The following TEK variants were observed in gnomAD, a reference collection of about 807,000 sequenced individuals.
The protein encoded by TEK is TEK receptor tyrosine kinase, also known as angiopoietin-1 receptor.
TEK carries 43 observed loss-of-function variants against 131.8 expected under a neutral mutation model. The observed-to-expected ratio is 0.33, with a 90% confidence interval of 0.26 to 0.42. The LOEUF (loss-of-function observed/expected upper bound fraction) is 0.42. Among genes scored for constraint, TEK ranks in the 10% least tolerant of loss-of-function variants. TEK has a pLI of 1.00. For missense variants in TEK, 1,162 were observed against 1,384.4 expected (o/e 0.84, Z 2.55); for synonymous variants, 580 against 491.6 (o/e 1.18, Z -2.38).
At chr9:27,218,127 CA>C (rs1825888390) in intron 19 of TEK, among the ~76,000 whole-genome samples, 1 of 33,002 alleles carries the variant, frequency 3.0e-5, no homozygotes, top group African/African-American at 2.1e-4. Flanking sequence ...TAAGGCCAGA[CA>C]GTGGCGGGGG....
At chr9:27,191,794 G>A (rs1824832611) in intron 10 of TEK, 1 of 373,196 alleles carries the variant, frequency 2.7e-6, no homozygotes, top group South Asian at 2.1e-5. Context: ...GTCATATGGT[G>A]GTAATAATCC....
chr9:27,109,454 T>A lies in TEK; in HGVS notation c.-137T>A. 1.1e-6 allele frequency: 1 copy of A among 870,338 alleles called. No homozygotes were observed. The highest frequency in any genetic ancestry group is 2.0e-6 in the Non-Finnish European group (1 of 507,298). 53.9% of individuals were successfully genotyped at this position (870,338 alleles called of 1,614,324 possible). ...ACTGTTACAGCCTGCTTCTGTGCTG[T>A]TCCTTCTTGCCTCTAACTTGTAAAC... On this transcript the variant is annotated 5_prime_UTR_variant, in exon 1 of 23. Transcript: ENST00000380036.
intron 18 of TEK, among the ~76,000 whole-genome samples, chr9:27,215,639 T>C (rs1825798210): frequency 6.6e-6 from 1 of 151,782 alleles, no homozygotes; most frequent in Non-Finnish European, 1.5e-5. Context: ...CTAAGCAATT[T>C]GGGGTTTCAC....
chr9:27,153,310 C>T (rs527330916), intron 1 of TEK, among the ~76,000 whole-genome samples: 13 of 152,036 alleles, frequency 8.6e-5, no homozygotes, highest in Non-Finnish European at 1.2e-4. Flanking sequence ...ATTAGCTGGG[C>T]GTGGTCGCGG....
chr9:27,219,724 TCAGA>T (rs1225948981), intron 20 of TEK, among the ~76,000 whole-genome samples: 1 of 151,120 alleles, frequency 6.6e-6, no homozygotes, highest in African/African-American at 2.4e-5. Context: ...GGACTTCCAA[TCAGA>T]AAAAAAGGTT....
At chr9:27,158,675 TG>T (rs1402720782) in intron 2 of TEK, among the ~76,000 whole-genome samples, 4 of 139,660 alleles carry the variant, frequency 2.9e-5, no homozygotes, top group South Asian at 2.5e-4. Flanking sequence ...TTTTTTTTTT[TG>T]GGGGGGTGGA....
chr9:27,221,499 G>C (rs1457510622), intron 21 of TEK, among the ~76,000 whole-genome samples: 1 of 151,974 alleles, frequency 6.6e-6, no homozygotes, highest in Non-Finnish European at 1.5e-5. Flanking sequence ...CTCCCAGTAG[G>C]GGTCGACAGG....
rs142408366 is a variant in TEK, at chr9:27,136,384, T to G, written c.53-21447T>G. ...CGTGAGCCACTGCGCCGGTCCCTAC[T>G]TACATTCTTGTAGTTACCTCTGACA... On this transcript the variant is annotated intron_variant, in intron 1 of 22. Coordinates refer to ENST00000380036, the MANE Select transcript of TEK (RefSeq NM_000459.5). Among the ~76,000 whole-genome samples, 12 of 152,280 alleles carry G rather than the reference T, an allele frequency of 7.9e-5. No homozygotes were observed. In the East Asian group the frequency reaches 2.3e-3, roughly 29 times the overall value.
At chr9:27,211,171 G>GAA (rs1825604595) in intron 16 of TEK, among the ~76,000 whole-genome samples, 1 of 86,736 alleles carries the variant, frequency 1.2e-5, no homozygotes, top group Non-Finnish European at 2.8e-5. Context: ...ATATGTATGT[G>GAA]TATATATATA....
chr9:27,175,256 T>C (rs1446063149), intron 6 of TEK, among the ~76,000 whole-genome samples: 36 of 150,330 alleles, frequency 2.4e-4, no homozygotes, highest in African/African-American at 8.1e-4. Flanking sequence ...TTTGTCCTTG[T>C]GATAGTTTAC....
chr9:27,220,886 T>G (rs1457573271), intron 21 of TEK, among the ~76,000 whole-genome samples: 1 of 151,850 alleles, frequency 6.6e-6, no homozygotes, highest in Non-Finnish European at 1.5e-5. Context: ...GCTGCAGGAG[T>G]TTCTTTTCAT....
chr9:27,175,181 C>T lies in TEK; in HGVS notation c.901+1819C>T, dbSNP rs760045337. Among the ~76,000 whole-genome samples the T allele has an allele frequency of 1.4e-3, 185 of 135,702 alleles. 1 individual carries two copies. Among genetic ancestry groups the T allele is most frequent in the Non-Finnish European group, 2.3e-3 (147 of 64,818 alleles). The allele number at this position is 135,702 out of a possible 152,430, so 89.0% of individuals were successfully genotyped here. A position where few individuals can be genotyped will look rare whatever the true frequency, so the allele number is the denominator to read the frequency against. ...GTCCCCAGAGTGTGATGTTCCCCTT[C>T]CTGTGTTCATGTGTTCTCACTGTTC... On this transcript the variant is annotated intron_variant, in intron 6 of 22. Coordinates refer to ENST00000380036, the MANE Select transcript of TEK (RefSeq NM_000459.5).
intron 16 of TEK, among the ~76,000 whole-genome samples, chr9:27,212,479 G>A (rs886339765): frequency 1.3e-5 from 2 of 152,138 alleles, no homozygotes; most frequent in African/African-American, 4.8e-5. Context: ...GGTAGGAATG[G>A]AGAGGGGGTG....
chr9:27,154,274 G>C (rs777511625), intron 1 of TEK, among the ~76,000 whole-genome samples: 1 of 152,114 alleles, frequency 6.6e-6, no homozygotes, highest in Non-Finnish European at 1.5e-5. Context: ...CCATCAACCT[G>C]TCATCTACAT....
intron 4 of TEK, among the ~76,000 whole-genome samples, chr9:27,171,851 C>T (rs1018341388): frequency 9.2e-5 from 14 of 152,152 alleles, no homozygotes; most frequent in African/African-American, 3.4e-4. Flanking sequence ...TATTCCACTA[C>T]TCAGGAGAGT....
At chr9:27,227,372 G>C (rs1439098429) in intron 21 of TEK, among the ~76,000 whole-genome samples, 2 of 152,198 alleles carry the variant, frequency 1.3e-5, no homozygotes, top group African/African-American at 4.8e-5. Context: ...GATGCAAGGG[G>C]AAAGGAGTTC....
At chr9:27,203,353 C>G (rs1200671032) in intron 13 of TEK, among the ~76,000 whole-genome samples, 1 of 152,112 alleles carries the variant, frequency 6.6e-6, no homozygotes, top group African/African-American at 2.4e-5. Context: ...ATCCAGCAAT[C>G]TAAGAAGAAA....
At chr9:27,162,237 C>T (rs1255082981) in intron 2 of TEK, among the ~76,000 whole-genome samples, 1 of 152,174 alleles carries the variant, frequency 6.6e-6, no homozygotes, top group Non-Finnish European at 1.5e-5. Flanking sequence ...CCTAGGGACA[C>T]AGCAGGATAA....
At chr9:27,213,048 T>G in intron 17 of TEK, 151 bp downstream of exon 17, 1 of 818,016 alleles carries the variant, frequency 1.2e-6, no homozygotes, top group Non-Finnish European at 1.9e-6. Flanking sequence ...AGTCCATCTA[T>G]TTAAAGAAAA....
Sources: allele counts gnomAD v4.1 joint callset (sites outside exome capture counted in the v4.1 genomes callset), GRCh38; gene constraint gnomAD v4.1.1; transcripts MANE v1.5; gene names NCBI Gene and HGNC (gene_info 2026-07-23, HGNC 2026-07-21).